NRXN3: variants seen among roughly 807,000 people sequenced by gnomAD.
NRXN3 encodes the protein neurexin III.
NRXN3 carries 32 observed loss-of-function variants against 137.6 expected under a neutral mutation model. That is an observed-to-expected ratio of 0.23 (90% CI 0.18 to 0.31). The LOEUF is 0.31. NRXN3 is among the 10% of genes least tolerant of loss of function. NRXN3 has a pLI of 1.00. For synonymous variants in NRXN3, 798 were observed against 784.5 expected (o/e 1.02, Z -0.29); for missense variants, 1,574 against 2,062.5 (o/e 0.76, Z 4.59).
chr14:78,608,167 C>T (rs935850543), intron 4 of NRXN3, among the ~76,000 whole-genome samples: 5 of 152,142 alleles, frequency 3.3e-5, no homozygotes, highest in African/African-American at 1.2e-4. Flanking sequence ...TTTTAGCCTG[C>T]ATAGGTCTGG....
intron 4 of NRXN3, among the ~76,000 whole-genome samples, chr14:78,488,734 GAGA>G (rs1404339080): frequency 1.4e-5 from 2 of 147,470 alleles, no homozygotes; most frequent in Non-Finnish European, 1.5e-5. Context: ...GGCAAAAGAA[GAGA>G]AGAAGGAGAA....
chr14:79,213,418 G>A (rs1037761767), intron 15 of NRXN3, among the ~76,000 whole-genome samples: 6 of 152,190 alleles, frequency 3.9e-5, no homozygotes, highest in Admixed American at 3.9e-4. Flanking sequence ...AATTTATGGA[G>A]GCAGAACATA....
At chr14:79,440,881 T>C (rs1600325646) in intron 15 of NRXN3, among the ~76,000 whole-genome samples, 3 of 152,304 alleles carry the variant, frequency 2.0e-5, no homozygotes, top group East Asian at 3.9e-4. Flanking sequence ...TATTAATAGA[T>C]ATATGAGACT....
rs141743549 is a variant in NRXN3 at position 79,346,635 on chromosome 14, C to T, written c.3263-120586C>T. On this transcript the variant is annotated intron_variant, in intron 15 of 20. Coordinates refer to ENST00000335750, the MANE Select transcript of NRXN3 (RefSeq NM_001330195.2). Reference sequence around the variant, plus strand: ...ACCCCTCTGCCCCTAAGGTCACTACCCTCTGATCACATTAACTTTCCTGTT... The same window carrying T: ...ACCCCTCTGCCCCTAAGGTCACTACTCTCTGATCACATTAACTTTCCTGTT... 2.9e-3 allele frequency among the ~76,000 whole-genome samples: 440 copies of T among 152,222 alleles called. 5 individuals are homozygous for T. Among genetic ancestry groups the T allele is most frequent in the African/African-American group, 1.0e-2 (415 of 41,524 alleles).
intron 16 of NRXN3, among the ~76,000 whole-genome samples, chr14:79,507,472 G>A (rs2096889419): frequency 6.6e-6 from 1 of 152,278 alleles, no homozygotes; most frequent in Middle Eastern, 3.4e-3. Context: ...CCTTGCAAAA[G>A]TCTAGCAACT....
chr14:79,129,695 C>G (rs1399593260), intron 15 of NRXN3, among the ~76,000 whole-genome samples: 5 of 117,174 alleles, frequency 4.3e-5, no homozygotes, highest in African/African-American at 5.9e-5. Flanking sequence ...CTATTAGGTC[C>G]GCTTGGTGCA....
At chr14:79,582,642 A>G (rs1159405433) in intron 16 of NRXN3, among the ~76,000 whole-genome samples, 1 of 149,496 alleles carries the variant, frequency 6.7e-6, no homozygotes. Flanking sequence ...GATGGTCTTG[A>G]TCTCTTGATC....
intron 4 of NRXN3, among the ~76,000 whole-genome samples, chr14:78,492,036 C>G (rs1257829140): frequency 6.6e-6 from 1 of 152,170 alleles, no homozygotes; most frequent in Non-Finnish European, 1.5e-5. Context: ...TTACTTAGCT[C>G]TCTTAGCCTC....
intron 16 of NRXN3, among the ~76,000 whole-genome samples, chr14:79,646,094 G>T (rs1335765990): frequency 7.4e-6 from 1 of 135,668 alleles, no homozygotes; most frequent in East Asian, 2.0e-4. Flanking sequence ...GTACTGCTTG[G>T]CCAGAGACAG....
chr14:78,563,010 A>ATCCAAGG (rs1360541687), intron 4 of NRXN3, among the ~76,000 whole-genome samples: 2 of 152,214 alleles, frequency 1.3e-5, no homozygotes, highest in Non-Finnish European at 2.9e-5. Flanking sequence ...GAGATGGGAC[A>ATCCAAGG]TCCAAGGTAC....
chr14:79,100,128 T>C (rs1255731749), intron 15 of NRXN3, among the ~76,000 whole-genome samples: 2 of 152,320 alleles, frequency 1.3e-5, no homozygotes, highest in East Asian at 1.9e-4. Flanking sequence ...ATTTTGTACA[T>C]TGCTTCTCTG....
chr14:79,823,962 G>A (rs2099280930), intron 20 of NRXN3: 1 of 432,236 alleles, frequency 2.3e-6, no homozygotes. Flanking sequence ...AAGCTATCCT[G>A]TAAATGACCC....
chr14:78,856,954 A>G (rs1396315413), intron 10 of NRXN3, among the ~76,000 whole-genome samples: 1 of 152,060 alleles, frequency 6.6e-6, no homozygotes, highest in Non-Finnish European at 1.5e-5. Context: ...GCTGGCCTCA[A>G]ACTCCTCACC....
chr14:79,178,658 G>A (rs775490637), intron 15 of NRXN3, among the ~76,000 whole-genome samples: 1 of 152,130 alleles, frequency 6.6e-6, no homozygotes, highest in Non-Finnish European at 1.5e-5. Flanking sequence ...ATGCTGTTAG[G>A]TTCTGTGTTT....
At chr14:79,333,783 T>G (rs897232928) in intron 15 of NRXN3, among the ~76,000 whole-genome samples, 4 of 152,236 alleles carry the variant, frequency 2.6e-5, no homozygotes, top group Non-Finnish European at 5.9e-5. Flanking sequence ...CCTGATATTC[T>G]GAGGCTTTTA....
At chr14:79,610,867 C>G (rs1356798359) in intron 16 of NRXN3, among the ~76,000 whole-genome samples, 11 of 152,180 alleles carry the variant, frequency 7.2e-5, no homozygotes, top group Admixed American at 5.9e-4. Context: ...TGCCCATGTA[C>G]CCTTTATGCT....
intron 4 of NRXN3, among the ~76,000 whole-genome samples, chr14:78,387,605 C>T (rs938397994): frequency 4.6e-5 from 7 of 152,194 alleles, no homozygotes; most frequent in Non-Finnish European, 7.3e-5. Flanking sequence ...ATTGGCCCCT[C>T]TCTTGGGAAT....
chr14:78,541,702 T>G (rs1566692715), intron 4 of NRXN3, among the ~76,000 whole-genome samples: 1 of 152,214 alleles, frequency 6.6e-6, no homozygotes, highest in Admixed American at 6.5e-5. Context: ...GGCACTCTGA[T>G]TTTTAGAATT....
intron 16 of NRXN3, among the ~76,000 whole-genome samples, chr14:79,632,641 A>G (rs960698726): frequency 6.6e-6 from 1 of 152,196 alleles, no homozygotes; most frequent in African/African-American, 2.4e-5. Context: ...GTCTTTGCCT[A>G]AGACGTGTAT....
Sources: gnomAD v4.1 joint callset for allele counts (sites outside exome capture counted in the v4.1 genomes callset) on GRCh38, gnomAD v4.1.1 for gene constraint, MANE v1.5 for transcripts, NCBI Gene and HGNC (gene_info 2026-07-23, HGNC 2026-07-21) for gene names.